The following ZNF804B variants were observed in gnomAD, a reference collection of about 807,000 sequenced individuals.
ZNF804B encodes the protein zinc finger 804B.
A neutral mutation model predicts 101.4 loss-of-function variants in ZNF804B; 80 were observed. The observed-to-expected ratio is 0.79, with a 90% CI of 0.66 to 0.95. The LOEUF (loss-of-function observed/expected upper bound fraction) is 0.95, where lower values mean the gene tolerates loss of function less well. ZNF804B is among the 40% of genes least tolerant of loss of function. ZNF804B has a pLI of 0.00. For missense variants in ZNF804B, 1,673 were observed against 1,561.9 expected, an observed-to-expected ratio of 1.07 and a Z score of -1.20; for synonymous variants, 622 against 558.8, an observed-to-expected ratio of 1.11 and a Z score of -1.59.
At chr7:89,096,912 G>A (rs1186006179) in intron 1 of ZNF804B, among the ~76,000 whole-genome samples, 1 of 152,166 alleles carries the variant, frequency 6.6e-6, no homozygotes, top group African/African-American at 2.4e-5. Context: ...CTTCTCTGTA[G>A]ACATTGTCCT....
intron 1 of ZNF804B, among the ~76,000 whole-genome samples, chr7:88,834,300 G>A (rs7796176): frequency 0.5 from 76,019 of 151,622 alleles, 20,975 homozygotes; most frequent in East Asian, 0.81. Flanking sequence ...AATTGTGACT[G>A]TTACAGCTAT....
intron 1 of ZNF804B, among the ~76,000 whole-genome samples, chr7:88,999,495 C>T (rs1266758757): frequency 1.3e-5 from 2 of 151,944 alleles, no homozygotes; most frequent in Non-Finnish European, 2.9e-5. Context: ...TTTCATTAAA[C>T]ACTTTGTAGT....
intron 1 of ZNF804B, among the ~76,000 whole-genome samples, chr7:88,898,432 G>A (rs1468805628): frequency 6.6e-6 from 1 of 151,444 alleles, no homozygotes; most frequent in Non-Finnish European, 1.5e-5. Flanking sequence ...TCTGCATCTC[G>A]TCTTCTCTTC....
chr7:89,140,767 C>T (rs1441985542), intron 1 of ZNF804B, among the ~76,000 whole-genome samples: 1 of 152,020 alleles, frequency 6.6e-6, no homozygotes, highest in African/African-American at 2.4e-5. Context: ...TTGTTATCAG[C>T]AATAGGCTTT....
intron 1 of ZNF804B, among the ~76,000 whole-genome samples, chr7:88,792,485 C>G (rs1333449454): frequency 1.3e-5 from 2 of 152,202 alleles, no homozygotes; most frequent in Middle Eastern, 3.4e-3. Flanking sequence ...TACATATGCT[C>G]GTCTTCTCTC....
chr7:89,112,706 G>A (rs1790237116), intron 1 of ZNF804B, among the ~76,000 whole-genome samples: 2 of 146,800 alleles, frequency 1.4e-5, no homozygotes, highest in Admixed American at 6.8e-5. Flanking sequence ...AGATCAAGTT[G>A]GGAAGAATTG....
intron 1 of ZNF804B, among the ~76,000 whole-genome samples, chr7:89,134,011 ACT>A (rs1790592700): frequency 6.6e-6 from 1 of 151,968 alleles, no homozygotes; most frequent in Non-Finnish European, 1.5e-5. Flanking sequence ...AAAGTGGATT[ACT>A]CCTTTTCACA....
At chr7:89,250,788 T>C (rs1358736842) in intron 2 of ZNF804B, among the ~76,000 whole-genome samples, 1 of 152,180 alleles carries the variant, frequency 6.6e-6, no homozygotes, top group Non-Finnish European at 1.5e-5. Context: ...TGGTTCAACA[T>C]ATGCAAATCA....
intron 2 of ZNF804B, among the ~76,000 whole-genome samples, chr7:89,224,752 ATGAGTGT>A (rs1562921878): frequency 3.2e-4 from 22 of 69,658 alleles, no homozygotes; most frequent in African/African-American, 9.3e-4. Flanking sequence ...GTGTGTGTGT[ATGAGTGT>A]GTGTGTGTGT....
chr7:89,291,044 C>T (rs1790282123), intron 2 of ZNF804B, among the ~76,000 whole-genome samples: 1 of 152,166 alleles, frequency 6.6e-6, no homozygotes, highest in African/African-American at 2.4e-5. Context: ...GGCAGTACCT[C>T]TATAGGTCTG....
Position 89,208,642 on chromosome 7 carries a change from G to C in ZNF804B, c.109-9513G>C, listed in dbSNP as rs1477732771. On this transcript the variant is annotated intron_variant, in intron 1 of 3. Coordinates refer to ENST00000333190, the MANE Select transcript of ZNF804B (RefSeq NM_181646.5). ...GTGGAGGAACTGTATATTAATTCATGCTGAGGAAGATGAAATTGGTGGTGG... is the reference window on the plus strand; with the variant it reads ...GTGGAGGAACTGTATATTAATTCATCCTGAGGAAGATGAAATTGGTGGTGG... Among the ~76,000 whole-genome samples, 3 of 152,146 alleles carry C rather than the reference G, an allele frequency of 2.0e-5. No homozygotes were observed. In the South Asian group the frequency reaches 6.2e-4, roughly 31 times the overall value.
intron 1 of ZNF804B, among the ~76,000 whole-genome samples, chr7:88,885,783 T>G (rs1037508953): frequency 6.6e-6 from 1 of 151,724 alleles, no homozygotes; most frequent in African/African-American, 2.4e-5. Context: ...AGCCATCTTA[T>G]ATGCGTCTGT....
chr7:89,337,167 G>T lies in ZNF804B; in HGVS notation c.*135G>T. 1.1e-6 allele frequency: 1 copy of T among 950,174 alleles called. No individual in the cohort carries two copies. The highest frequency in any genetic ancestry group is 1.5e-6 in the Non-Finnish European group (1 of 660,558). The allele number at this position is 950,174 out of a possible 1,614,324, so 58.9% of individuals were successfully genotyped here. The stretch of plus-strand genomic sequence containing the variant: ...CAAAATGTGACAAATATATAAATAT[G>T]ATCTGAATTGCTAATACTAAAACAA... On this transcript the variant is annotated 3_prime_UTR_variant, in exon 4 of 4. Transcript: ENST00000333190.
intron 2 of ZNF804B, among the ~76,000 whole-genome samples, chr7:89,310,970 ATTT>A (rs59813307): frequency 2.7e-5 from 4 of 149,774 alleles, no homozygotes; most frequent in Admixed American, 6.7e-5. Flanking sequence ...TTCTCTTAAG[ATTT>A]TTTTTTTTTT....
intron 1 of ZNF804B, among the ~76,000 whole-genome samples, chr7:88,882,504 C>G (rs761457936): frequency 1.3e-5 from 2 of 152,110 alleles, no homozygotes; most frequent in Non-Finnish European, 2.9e-5. Context: ...CCATTTGACC[C>G]AGCAATCTCA....
intron 1 of ZNF804B, among the ~76,000 whole-genome samples, chr7:88,829,875 T>A (rs1554338030): frequency 6.6e-6 from 1 of 152,182 alleles, no homozygotes; most frequent in Non-Finnish European, 1.5e-5. Context: ...TTTGTAATAG[T>A]ATCATCAGTT....
chr7:88,846,077 C>A (rs961207093), intron 1 of ZNF804B, among the ~76,000 whole-genome samples: 2 of 152,174 alleles, frequency 1.3e-5, no homozygotes, highest in Non-Finnish European at 2.9e-5. Flanking sequence ...TATGCTGACA[C>A]TGGCAGAACA....
intron 1 of ZNF804B, among the ~76,000 whole-genome samples, chr7:88,801,578 A>G (rs1434814032): frequency 6.6e-6 from 1 of 152,146 alleles, no homozygotes; most frequent in Admixed American, 6.6e-5. Flanking sequence ...GCTGAAAACC[A>G]ATTTGCAAAT....
intron 1 of ZNF804B, among the ~76,000 whole-genome samples, chr7:89,031,584 A>AT (rs1423895610): frequency 6.6e-6 from 1 of 151,332 alleles, no homozygotes. Context: ...ATACATCCTA[A>AT]TTTTTTTTCC....
Sources: gnomAD v4.1 joint callset for allele counts (sites outside exome capture counted in the v4.1 genomes callset) on GRCh38, gnomAD v4.1.1 for gene constraint, MANE v1.5 for transcripts, NCBI Gene and HGNC (gene_info 2026-07-23, HGNC 2026-07-21) for gene names.